IQSEC1: variants seen among roughly 807,000 people sequenced by gnomAD.
IQSEC1 encodes the protein IQ motif and SEC7 domain-containing protein 1.
IQSEC1 carries 31 observed loss-of-function variants against 91.0 expected under a neutral mutation model. The observed-to-expected ratio is 0.34, with a 90% CI of 0.26 to 0.46. The LOEUF (loss-of-function observed/expected upper bound fraction) is 0.46. IQSEC1 is among the 20% of genes least tolerant of loss of function. IQSEC1 has a pLI of 1.00. For synonymous variants in IQSEC1, 699 were observed against 662.6 expected, an observed-to-expected ratio of 1.05 and a Z score of -0.84; for missense variants, 1,388 against 1,575.6, an observed-to-expected ratio of 0.88 and a Z score of 2.02.
chr3:12,907,794 C>T (rs1695138995), intron 12 of IQSEC1, among the ~76,000 whole-genome samples: 2 of 152,220 alleles, frequency 1.3e-5, no homozygotes, highest in Non-Finnish European at 2.9e-5. Flanking sequence ...CACAACATCA[C>T]AGTTCCCACC....
rs78209944 is a variant in IQSEC1, at chr3:12,992,868, A to G, written c.24-51003T>C. On this transcript the variant is annotated intron_variant, in intron 1 of 13. Coordinates refer to ENST00000613206, the MANE Select transcript of IQSEC1 (RefSeq NM_001134382.3). This position sits in a 1 kb window ranked among gnomAD's most constrained non-coding sequence, Gnocchi z 4.1. ...AAAGTGACAACTGCCTGGCAGAAAC[A>G]TGGGAGGGGAAGTTCCCCAGGACTA... is the stretch of plus-strand genomic sequence containing the variant. Among the ~76,000 whole-genome samples, 2,220 of 152,258 alleles carry G rather than the reference A, an allele frequency of 0.015. 27 individuals carry two copies. The highest frequency in any genetic ancestry group is 0.031 in the African/African-American group (1,306 of 41,546).
At chr3:12,942,297 CACT>C (rs1399126570) in intron 1 of IQSEC1, among the ~76,000 whole-genome samples, 2 of 152,066 alleles carry the variant, frequency 1.3e-5, no homozygotes, top group South Asian at 4.2e-4. Flanking sequence ...TTAAATACAC[CACT>C]GATTTTAAAC....
intron 1 of IQSEC1, among the ~76,000 whole-genome samples, chr3:12,957,320 C>T (rs1029494273): frequency 1.3e-5 from 2 of 152,186 alleles, no homozygotes; most frequent in African/African-American, 4.8e-5. Flanking sequence ...CTCTGCCAGA[C>T]GCTTGTCCCT....
chr3:13,069,092 T>C (rs1260513740), intron 1 of IQSEC1, among the ~76,000 whole-genome samples: 2 of 152,230 alleles, frequency 1.3e-5, no homozygotes, highest in Non-Finnish European at 2.9e-5. Flanking sequence ...CCTGGGGCTG[T>C]AAAGGGTGGA....
At chr3:12,934,503 CTAGT>C in intron 3 of IQSEC1, among the ~76,000 whole-genome samples, 1 of 152,284 alleles carries the variant, frequency 6.6e-6, no homozygotes, top group African/African-American at 2.4e-5. Context: ...ATTCATCACC[CTAGT>C]TTGACCTCCT....
At position 13,100,636 on chromosome 3, in the gene IQSEC1, AC is replaced by A. The variant is rs1382306941; in HGVS notation, c.303-53115del. 4.0e-5 allele frequency among the ~76,000 whole-genome samples: 6 copies of A among 148,822 alleles called. 2 individuals are homozygous for A. Among genetic ancestry groups the A allele is most frequent in the African/African-American group, 1.0e-4 (4 of 39,456 alleles). ...GAGTGGGAGAAACAGGCACAACGCCACCAAAGCACTGGTAAATCCAGCAAAA... is the reference window on the plus strand; with the variant it reads ...GAGTGGGAGAAACAGGCACAACGCCACAAAGCACTGGTAAATCCAGCAAAA... On this transcript the variant is annotated intron_variant, in intron 2 of 15. Transcript: ENST00000648114.
At position 13,190,816 on chromosome 3, in the gene IQSEC1, T is replaced by C. The variant is rs1694010390; in HGVS notation, c.273-26683A>G. On this transcript the variant is annotated intron_variant, in intron 1 of 15. Transcript: ENST00000648114. Reference sequence around the variant, plus strand: ...TAAGTTAAAGGAGAGTACAGGTAAATACACTGAAAGGAGAAAAGTCCCAGA... The same window carrying C: ...TAAGTTAAAGGAGAGTACAGGTAAACACACTGAAAGGAGAAAAGTCCCAGA... 2.6e-5 allele frequency among the ~76,000 whole-genome samples: 4 copies of C among 152,154 alleles called. No homozygotes were observed. In the South Asian group the frequency reaches 8.3e-4, roughly 32 times the overall value.
chr3:13,226,491 G>A (rs1356136449), intron 1 of IQSEC1, among the ~76,000 whole-genome samples: 2 of 151,920 alleles, frequency 1.3e-5, no homozygotes, highest in Non-Finnish European at 2.9e-5. Flanking sequence ...GCTGGGCAAG[G>A]TGTAATCCCA....
At chr3:13,222,628 C>A (rs934470798) in intron 1 of IQSEC1, among the ~76,000 whole-genome samples, 1 of 152,232 alleles carries the variant, frequency 6.6e-6, no homozygotes, top group Non-Finnish European at 1.5e-5. Context: ...CACATCCTCA[C>A]CAACCAGAGA....
intron 1 of IQSEC1, among the ~76,000 whole-genome samples, chr3:13,279,579 C>T (rs1210345249): frequency 1.3e-5 from 2 of 152,218 alleles, no homozygotes; most frequent in African/African-American, 2.4e-5. Flanking sequence ...TGTCCCAGGA[C>T]GAGGCTGCTC....
chr3:12,936,769 C>T, intron 2 of IQSEC1, 72 bp from the exon 3 acceptor site: 2 of 1,403,720 alleles, frequency 1.4e-6, no homozygotes, highest in Admixed American at 2.4e-5. Flanking sequence ...AACTCCTTCC[C>T]ACTTCCTAGC....
At position 12,941,796 on chromosome 3, in the gene IQSEC1, G is replaced by C. The variant is rs930924547; in HGVS notation, c.93C>G (p.Gly31=). Residue 31 remains glycine (G), a synonymous_variant, in exon 2 of 14, where the codon GGC becomes GGG. Transcript: ENST00000613206. ...TCAGGCTGGAACCGGGCACCAAGGG[G>C]CCCTGGGGGTAGGCTGAGGGGCTGT... ...SLDSPSAYPQ[G]PLVPGSSLSP... is the part of the protein sequence containing the mutation. The C allele has an allele frequency of 1.2e-6, 2 of 1,611,098 alleles. No individual in the cohort carries two copies. Among genetic ancestry groups the C allele is most frequent in the African/African-American group, 2.7e-5 (2 of 74,880 alleles).
chr3:13,078,954 C>A (rs1043612287), intron 2 of IQSEC1, among the ~76,000 whole-genome samples: 1 of 152,216 alleles, frequency 6.6e-6, no homozygotes, highest in Admixed American at 6.5e-5. Flanking sequence ...TCTTTTCTAT[C>A]AGTATTGTAA....
chr3:13,147,936 A>G lies in IQSEC1; in HGVS notation c.302+16168T>C, dbSNP rs141934621. ...GCGTGAGCCACCACGCCCAGCCGAC[A>G]GGTGTCTTTTTGATATAGTGACTTC... On this transcript the variant is annotated intron_variant, in intron 2 of 15. Coordinates refer to the IQSEC1 transcript ENST00000648114. Among the ~76,000 whole-genome samples the G allele has an allele frequency of 3.5e-4, 54 of 152,330 alleles. 1 individual carries two copies. Among genetic ancestry groups the G allele is most frequent in the African/African-American group, 1.0e-3 (43 of 41,592 alleles).
At chr3:12,984,105 G>A (rs569671320) in intron 1 of IQSEC1, among the ~76,000 whole-genome samples, 36 of 152,266 alleles carry the variant, frequency 2.4e-4, no homozygotes, top group Admixed American at 5.2e-4. Context: ...AGCCCCCAAG[G>A]TCAGGTCCAT....
chr3:12,976,394 C>T (rs1701175211), intron 1 of IQSEC1, among the ~76,000 whole-genome samples: 1 of 152,222 alleles, frequency 6.6e-6, no homozygotes, highest in African/African-American at 2.4e-5. Flanking sequence ...CCTCACCATT[C>T]CTCACTCAAG....
Position 12,935,589 on chromosome 3 carries a change from G to C in IQSEC1, c.1427C>G (p.Ser476Trp). 1 of 1,614,134 alleles carries C rather than the reference G, an allele frequency of 6.2e-7. No homozygotes were observed. Among genetic ancestry groups the C allele is most frequent in the South Asian group, 1.1e-5 (1 of 91,086 alleles). Reference protein sequence around the residue: ...NDTINCSSESSSRDSLREQTL... With the variant: ...NDTINCSSESWSRDSLREQTL... The stretch of plus-strand genomic sequence containing the variant: ...CTGCTCCCGCAGGCTGTCACGGGAC[G>C]ATGACTCGGAGCTGCAGTTGATGGT... The change falls in exon 3 of 14, where the codon TCG (serine) becomes TGG (tryptophan). Residue 476 changes from serine (S) to tryptophan (W), a missense_variant. Physicochemically the swap from Ser to Trp is radical, Grantham distance 177 (BLOSUM62 -3). Around this residue, in one of 2 missense-constraint regions of IQSEC1, gnomAD observed 1,059 missense variants for 1,317.8 expected, o/e 0.80. Transcript: ENST00000613206. The surrounding 1 kb of genome is among the most constrained non-coding windows in gnomAD (Gnocchi z 8.0).
At chr3:13,102,009 C>T (rs62232956) in intron 2 of IQSEC1, among the ~76,000 whole-genome samples, 3,453 of 152,138 alleles carry the variant, frequency 0.023, 42 homozygotes, top group African/African-American at 0.035. Flanking sequence ...AAACTCTGCC[C>T]GCTCATGCCT....
intron 1 of IQSEC1, among the ~76,000 whole-genome samples, chr3:13,019,153 T>G (rs1427142197): frequency 6.6e-6 from 1 of 152,234 alleles, no homozygotes; most frequent in Admixed American, 6.5e-5. Flanking sequence ...AACCTACCGT[T>G]GTGGGCTCTA....
Sources: gnomAD v4.1 joint callset for allele counts (sites outside exome capture counted in the v4.1 genomes callset) on GRCh38, gnomAD v4.1.1 for gene constraint, gnomAD v4.1.1 regional missense constraint, Gnocchi (gnomAD v3.1) non-coding constraint, MANE v1.5 for transcripts, NCBI Gene and HGNC (gene_info 2026-07-23, HGNC 2026-07-21) for gene names.